ZNF701: variants seen among roughly 807,000 people sequenced by gnomAD.
ZNF701 encodes the protein zinc finger protein 701.
Under a neutral mutation model 7.1 loss-of-function variants are expected in ZNF701, and 6 were observed. That is an observed-to-expected ratio of 0.84 (90% CI 0.46 to 1.66). The LOEUF (loss-of-function observed/expected upper bound fraction) is 1.66. Ranked by LOEUF, ZNF701 falls within the 40% of genes most tolerant of loss-of-function variation. ZNF701 has a pLI of 0.01. For synonymous variants in ZNF701, 166 were observed against 188.2 expected (o/e 0.88, Z 0.97); for missense variants, 541 against 559.2 (o/e 0.97, Z 0.33).
downstream of ZNF701, among the ~76,000 whole-genome samples, chr19:52,588,279 A>G (rs964492355): frequency 6.6e-6 from 1 of 151,984 alleles, no homozygotes; most frequent in Non-Finnish European, 1.5e-5. Context: ...CAAGGTCAGG[A>G]GATCGAGACC....
downstream of ZNF701, among the ~76,000 whole-genome samples, chr19:52,589,862 A>T (rs113026101): frequency 2.8e-4 from 42 of 152,184 alleles, no homozygotes; most frequent in African/African-American, 8.9e-4. Flanking sequence ...GTGCAAACTC[A>T]GCTCACCTCC....
chr19:52,571,748 G>A (rs895457072), intron 1 of ZNF701, among the ~76,000 whole-genome samples: 1 of 151,896 alleles, frequency 6.6e-6, no homozygotes, highest in Non-Finnish European at 1.5e-5. Flanking sequence ...TTGTTTGCTT[G>A]TTTGTTTTGA....
At chr19:52,573,088 A>G (rs1837391476) in intron 1 of ZNF701, 1 of 207,618 alleles carries the variant, frequency 4.8e-6, no homozygotes, top group African/African-American at 2.4e-5. Context: ...TTCTTTTTCC[A>G]AAGAGTCTCG....
chr19:52,591,254 A>G (rs568801483), downstream of ZNF701, among the ~76,000 whole-genome samples: 1 of 152,100 alleles, frequency 6.6e-6, no homozygotes, highest in Admixed American at 6.6e-5. Flanking sequence ...CTCGGCTTAC[A>G]GCAACTTCTG....
rs1268399034 is a variant in ZNF701 at position 52,587,146 on chromosome 19, A to G, written c.*3689A>G. 6.6e-6 allele frequency: 1 copy of G among 152,230 alleles called. No homozygotes were observed. Among genetic ancestry groups the G allele is most frequent in the Non-Finnish European group, 1.5e-5 (1 of 68,046 alleles). 9.4% of individuals were successfully genotyped at this position (152,230 alleles called of 1,614,324 possible). A position where few individuals can be genotyped will look rare whatever the true frequency, so the allele number is the denominator to read the frequency against. ...CTGAGGTTGACACCATGTATTTTAA[A>G]TATGGAAAATAAATTACATTATTTG... On this transcript the variant is annotated 3_prime_UTR_variant, in exon 4 of 4. Coordinates refer to ENST00000391785, the MANE Select transcript of ZNF701 (RefSeq NM_018260.3).
intron 1 of ZNF701, chr19:52,572,450 T>A: frequency 8.0e-7 from 1 of 1,244,022 alleles, no homozygotes; most frequent in Admixed American, 2.6e-5. Flanking sequence ...ATGTTGGGAA[T>A]CAGTGGCATC....
rs329933 is a variant in ZNF701, at chr19:52,586,386, G to A, written c.*2929G>A. On this transcript the variant is annotated 3_prime_UTR_variant, in exon 4 of 4. Coordinates refer to ENST00000391785, the MANE Select transcript of ZNF701 (RefSeq NM_018260.3). ...AAAAATGTATATGTAGACTGAACGCGGTGGCTCATGCCTGTCATCCCAGCA... is the reference window on the plus strand; with the variant it reads ...AAAAATGTATATGTAGACTGAACGCAGTGGCTCATGCCTGTCATCCCAGCA... 110,358 of 151,792 alleles carry A rather than the reference G, an allele frequency of 0.73. 40,363 individuals carry two copies. Among genetic ancestry groups the A allele is most frequent in the African/African-American group, 0.76 (31,358 of 41,394 alleles). 9.4% of individuals were successfully genotyped at this position (151,792 alleles called of 1,614,324 possible). A position where few individuals can be genotyped will look rare whatever the true frequency, so the allele number is the denominator to read the frequency against.
intron 3 of ZNF701, among the ~76,000 whole-genome samples, chr19:52,576,722 C>G (rs1359603156): frequency 1.3e-5 from 2 of 152,010 alleles, no homozygotes. Context: ...AAATATTTTC[C>G]TAGATCCACC....
At position 52,583,013 on chromosome 19, in the gene ZNF701, A is replaced by G. The variant is rs1401255703; in HGVS notation, c.954A>G (p.Arg318=). 6.2e-7 allele frequency: 1 copy of G among 1,613,840 alleles called. No homozygotes were observed. The highest frequency in any genetic ancestry group is 1.3e-5 in the African/African-American group (1 of 74,872). ...NQQSNLARHH[R]VHTGEKPYKC... ...AATCAAACCTTGCACGTCATCATAG[A>G]GTTCATACTGGAGAGAAACCTTACA... Residue 318 remains arginine, a synonymous_variant, in exon 4 of 4, where the codon AGA becomes AGG. Coordinates refer to ENST00000391785, the MANE Select transcript of ZNF701 (RefSeq NM_018260.3).
downstream of ZNF701, among the ~76,000 whole-genome samples, chr19:52,589,256 G>A: frequency 6.6e-6 from 1 of 152,128 alleles, no homozygotes; most frequent in Non-Finnish European, 1.5e-5. Context: ...CGGTGAAAAT[G>A]AAAGCCCTTT....
downstream of ZNF701, among the ~76,000 whole-genome samples, chr19:52,587,365 C>T (rs548353159): frequency 2.4e-4 from 37 of 152,282 alleles, no homozygotes; most frequent in South Asian, 3.9e-3. Flanking sequence ...TCTGCTCCAG[C>T]CATACAGGCC....
chr19:52,597,072 A>G, the ZNF701 span: 18 of 1,212,826 alleles, frequency 1.5e-5, no homozygotes, highest in African/African-American at 2.4e-4. Context: ...GAGAATCCAT[A>G]ATGAAGACAG....
rs2059993607 is a variant in ZNF701, at chr19:52,584,032, A to C, written c.*575A>C. 1 of 451,154 alleles carries C rather than the reference A, an allele frequency of 2.2e-6. No homozygotes were observed. The highest frequency in any genetic ancestry group is 2.0e-5 in the African/African-American group (1 of 49,536). 27.9% of individuals were successfully genotyped at this position (451,154 alleles called of 1,614,324 possible). A position where few individuals can be genotyped will look rare whatever the true frequency, so the allele number is the denominator to read the frequency against. Reference sequence around the variant, plus strand: ...AACGGGAGAATTCATACAGGAGAGAAACCTCACAAGTGTGATGATTGTGAG... The same window carrying C: ...AACGGGAGAATTCATACAGGAGAGACACCTCACAAGTGTGATGATTGTGAG... On this transcript the variant is annotated 3_prime_UTR_variant, in exon 4 of 4. Coordinates refer to ENST00000391785, the MANE Select transcript of ZNF701 (RefSeq NM_018260.3).
intron 3 of ZNF701, among the ~76,000 whole-genome samples, chr19:52,580,692 C>G (rs1000868619): frequency 6.6e-6 from 1 of 152,094 alleles, no homozygotes; most frequent in Non-Finnish European, 1.5e-5. Flanking sequence ...AGGCTGCATA[C>G]ATGTACTTAT....
chr19:52,579,623 C>T (rs1277418016), intron 3 of ZNF701, among the ~76,000 whole-genome samples: 1 of 141,252 alleles, frequency 7.1e-6, no homozygotes, highest in Non-Finnish European at 1.5e-5. Flanking sequence ...CCTATAATCC[C>T]AGTAATTTGG....
chr19:52,582,358 A>G lies in ZNF701; in HGVS notation c.299A>G (p.Gln100Arg), dbSNP rs758737675. Reference sequence around the variant, plus strand: ...AAAGATATTCATGACTTTGTGTTTCAGTGGCAAGAAAATGAAACAAATGGC... The same window carrying G: ...AAAGATATTCATGACTTTGTGTTTCGGTGGCAAGAAAATGAAACAAATGGC... ...IEKDIHDFVF[Q>R]WQENETNGHE... The change falls in exon 4 of 4, where the codon CAG (glutamine) becomes CGG (arginine). Residue 100 changes from glutamine to arginine, a missense_variant. Physicochemically the swap from Gln to Arg is conservative, Grantham distance 43. Coordinates refer to ENST00000391785, the MANE Select transcript of ZNF701 (RefSeq NM_018260.3). 1.6e-5 allele frequency: 26 copies of G among 1,613,898 alleles called. No individual in the cohort carries two copies. Among genetic ancestry groups the G allele is most frequent in the Non-Finnish European group, 2.1e-5 (25 of 1,179,926 alleles).
At position 52,577,814 on chromosome 19, in the gene ZNF701, G is replaced by A. The variant is rs866736212; in HGVS notation, c.142+1793G>A. 2.6e-5 allele frequency among the ~76,000 whole-genome samples: 4 copies of A among 152,036 alleles called. No individual in the cohort carries two copies. The South Asian group carries it at 8.3e-4, about 32-fold the overall frequency. On this transcript the variant is annotated intron_variant, in intron 3 of 3. Transcript: ENST00000391785. ...ATCCAGGCCTGCCCGCAGTCATCCG[G>A]AGGCCTAAACCCCTCCCTGTGGTGC...
chr19:52,576,405 G>T (rs184309782), intron 3 of ZNF701, among the ~76,000 whole-genome samples: 2 of 152,154 alleles, frequency 1.3e-5, no homozygotes, highest in Non-Finnish European at 2.9e-5. Context: ...GCCGGGCGTC[G>T]TGGTGCATGC....
the ZNF701 span, among the ~76,000 whole-genome samples, chr19:52,592,504 G>T: frequency 1.3e-5 from 2 of 152,224 alleles, no homozygotes; most frequent in Non-Finnish European, 2.9e-5. Context: ...TGGAGGCCCT[G>T]AGCGGAATTG....
Sources: gnomAD v4.1 joint callset for allele counts (sites outside exome capture counted in the v4.1 genomes callset) on GRCh38, gnomAD v4.1.1 for gene constraint, MANE v1.5 for transcripts, NCBI Gene and HGNC (gene_info 2026-07-23, HGNC 2026-07-21) for gene names.